The following NT5DC1 variants were observed in gnomAD, a reference collection of about 807,000 sequenced individuals.
The protein encoded by NT5DC1 is 5'-nucleotidase domain-containing protein 1.
In NT5DC1, 42 loss-of-function variants were observed where a neutral mutation model predicts 59.4. That is an observed-to-expected ratio of 0.71 (90% CI 0.55 to 0.92). The LOEUF is 0.92. Ranked by LOEUF, NT5DC1 falls within the 40% of genes least tolerant of loss-of-function variation. The pLI, the probability that NT5DC1 is intolerant of heterozygous loss-of-function variation, is 0.00. For missense variants in NT5DC1, 501 were observed against 537.1 expected, an observed-to-expected ratio of 0.93 and a Z score of 0.66; for synonymous variants, 172 against 188.1, an observed-to-expected ratio of 0.91 and a Z score of 0.70.
At chr6:116,148,623 G>GT (rs1473089941) in intron 6 of NT5DC1, among the ~76,000 whole-genome samples, 2 of 151,788 alleles carry the variant, frequency 1.3e-5, no homozygotes, top group South Asian at 2.1e-4. Context: ...AGAACATCAG[G>GT]TTTTTTTTGG....
chr6:116,237,079 C>T lies in NT5DC1; in HGVS notation c.916C>T (p.Pro306Ser). ...LLKKMTGKPE[P>S]KVVYFGDSMH... ...GAAGAAAATGACTGGCAAACCTGAA[C>T]CCAAGGTATTTCCCAGTTGAGGAGA... Residue 306 changes from proline to serine, a missense_variant, in exon 9 of 12, where the codon CCC becomes TCC. Pro to Ser is a moderately conservative substitution (Grantham distance 74). Transcript: ENST00000319550. 1.3e-6 allele frequency: 2 copies of T among 1,592,484 alleles called. No individual in the cohort carries two copies. The highest frequency in any genetic ancestry group is 1.7e-6 in the Non-Finnish European group (2 of 1,160,314).
intron 6 of NT5DC1, among the ~76,000 whole-genome samples, chr6:116,145,852 A>T (rs1315951034): frequency 2.0e-5 from 3 of 152,142 alleles, no homozygotes; most frequent in Admixed American, 6.5e-5. Flanking sequence ...CAAATTTTTG[A>T]TACTTTCTGA....
intron 1 of NT5DC1, among the ~76,000 whole-genome samples, chr6:116,104,406 C>A (rs1249981619): frequency 1.3e-5 from 2 of 152,158 alleles, no homozygotes; most frequent in East Asian, 3.9e-4. Flanking sequence ...TTAGACTAAT[C>A]ACTTGAATAA....
At chr6:116,223,162 G>T in intron 8 of NT5DC1, 31 bp downstream of exon 8, 2 of 1,184,310 alleles carry the variant, frequency 1.7e-6, no homozygotes, top group Non-Finnish European at 2.5e-6. Context: ...TTCTTTTCCT[G>T]TATACAGTTG....
At chr6:116,101,144 C>G in intron 1 of NT5DC1, 121 bp downstream of exon 1, 1 of 678,618 alleles carries the variant, frequency 1.5e-6, no homozygotes, top group Non-Finnish European at 2.4e-6. Context: ...CGAGTCTTGC[C>G]GCAGAGCGCG....
rs1771811646 is a variant in NT5DC1 at position 116,244,878 on chromosome 6, A to G, written c.*854A>G. ...AAAGGCTATTTAATTTATTTAATCA[A>G]CTTTAAGCATTACATTCTCAATTGG... On this transcript the variant is annotated 3_prime_UTR_variant, in exon 12 of 12. Coordinates refer to ENST00000319550, the MANE Select transcript of NT5DC1 (RefSeq NM_152729.3). The G allele has an allele frequency of 2.0e-5, 3 of 152,210 alleles. No homozygotes were observed. The highest frequency in any genetic ancestry group is 6.5e-5 in the Admixed American group (1 of 15,280). 9.4% of individuals were successfully genotyped at this position (152,210 alleles called of 1,614,324 possible). A position where few individuals can be genotyped will look rare whatever the true frequency, so the allele number is the denominator to read the frequency against.
chr6:116,177,197 C>T (rs559762119), intron 6 of NT5DC1, among the ~76,000 whole-genome samples: 1 of 152,288 alleles, frequency 6.6e-6, no homozygotes, highest in African/African-American at 2.4e-5. Context: ...AACAAATTCT[C>T]AATACAAATA....
chr6:116,159,134 A>G (rs1046454467), intron 6 of NT5DC1, among the ~76,000 whole-genome samples: 2 of 152,168 alleles, frequency 1.3e-5, no homozygotes, highest in African/African-American at 2.4e-5. Flanking sequence ...ATATCTTCTT[A>G]TGCCATTGCT....
intron 2 of NT5DC1, among the ~76,000 whole-genome samples, chr6:116,106,978 T>C (rs1191699251): frequency 6.6e-6 from 1 of 151,920 alleles, no homozygotes; most frequent in African/African-American, 2.4e-5. Flanking sequence ...ATTGCTTGAG[T>C]CTAGGAGTTG....
intron 6 of NT5DC1, among the ~76,000 whole-genome samples, chr6:116,140,114 T>C (rs1779728314): frequency 6.6e-6 from 1 of 152,192 alleles, no homozygotes; most frequent in Non-Finnish European, 1.5e-5. Context: ...GAGAGTTGAA[T>C]GCCGCCCTCC....
chr6:116,188,378 T>C (rs1474179984), intron 6 of NT5DC1, among the ~76,000 whole-genome samples: 1 of 152,082 alleles, frequency 6.6e-6, no homozygotes, highest in Non-Finnish European at 1.5e-5. Context: ...CATTCACTAT[T>C]ACACCAAATT....
chr6:116,244,474 T>G lies in NT5DC1; in HGVS notation c.*450T>G, dbSNP rs1379182358. On this transcript the variant is annotated 3_prime_UTR_variant, in exon 12 of 12. Transcript: ENST00000319550. Reference sequence around the variant, plus strand: ...CTGGTTTAACAAGCCCGTCAGGTGATTCTGATTTACAGTACAGTTTGAGAC... The same window carrying G: ...CTGGTTTAACAAGCCCGTCAGGTGAGTCTGATTTACAGTACAGTTTGAGAC... 1 of 152,788 alleles carries G rather than the reference T, an allele frequency of 6.5e-6. No homozygotes were observed. The highest frequency in any genetic ancestry group is 1.5e-5 in the Non-Finnish European group (1 of 68,420). The allele number at this position is 152,788 out of a possible 1,614,324, so 9.5% of individuals were successfully genotyped here.
chr6:116,166,201 CCCA>C (rs1780460657), intron 6 of NT5DC1, among the ~76,000 whole-genome samples: 1 of 152,136 alleles, frequency 6.6e-6, no homozygotes, highest in African/African-American at 2.4e-5. Context: ...TTTCTGCAAC[CCCA>C]CATCAACCAG....
intron 6 of NT5DC1, among the ~76,000 whole-genome samples, chr6:116,167,873 T>A (rs1780510599): frequency 6.6e-6 from 1 of 152,138 alleles, no homozygotes; most frequent in Admixed American, 6.5e-5. Context: ...TTTCTGAAAA[T>A]TTTTTTATTT....
chr6:116,177,525 A>G (rs977827159), intron 6 of NT5DC1, among the ~76,000 whole-genome samples: 5 of 152,180 alleles, frequency 3.3e-5, no homozygotes, highest in Admixed American at 6.5e-5. Flanking sequence ...ACTAAGTACT[A>G]AATGTAAAAT....
At chr6:116,111,046 T>G in intron 4 of NT5DC1, 90 bp downstream of exon 4, 2 of 848,990 alleles carry the variant, frequency 2.4e-6, no homozygotes, top group Admixed American at 2.1e-5. Context: ...GACCCCCCTT[T>G]CCCCTGCTGG....
At chr6:116,186,673 C>T (rs951963499) in intron 6 of NT5DC1, among the ~76,000 whole-genome samples, 9 of 151,968 alleles carry the variant, frequency 5.9e-5, no homozygotes, top group Admixed American at 3.9e-4. Flanking sequence ...TCTGTTGCTG[C>T]GAGTTTCCAG....
At chr6:116,117,779 C>A in intron 5 of NT5DC1, 82 bp from the exon 6 acceptor site, 1 of 741,270 alleles carries the variant, frequency 1.3e-6, no homozygotes, top group South Asian at 1.7e-5. Context: ...GGACTGTCTG[C>A]ATTGTAATTG....
At position 116,228,244 on chromosome 6, in the gene NT5DC1, C is replaced by T. The variant is rs184637185; in HGVS notation, c.802+5113C>T. On this transcript the variant is annotated intron_variant, in intron 8 of 11. Transcript: ENST00000319550. ...CTCATTTTGGCCGGGAGCGGTGGCT[C>T]ACGCCTGTAATCCCACCACTTTGGG... 2.0e-3 allele frequency among the ~76,000 whole-genome samples: 300 copies of T among 152,256 alleles called. 2 individuals are homozygous for T. Among genetic ancestry groups the T allele is most frequent in the African/African-American group, 6.8e-3 (283 of 41,496 alleles).
Sources: allele counts gnomAD v4.1 joint callset (sites outside exome capture counted in the v4.1 genomes callset), GRCh38; gene constraint gnomAD v4.1.1; transcripts MANE v1.5; gene names NCBI Gene and HGNC (gene_info 2026-07-23, HGNC 2026-07-21).